The following PTPRT variants were observed in gnomAD, a reference collection of about 807,000 sequenced individuals.
The protein encoded by PTPRT is receptor-type tyrosine-protein phosphatase T.
A neutral mutation model predicts 176.8 loss-of-function variants in PTPRT; 56 were observed. That is an observed-to-expected ratio of 0.32 (90% CI 0.26 to 0.40). The LOEUF (loss-of-function observed/expected upper bound fraction) is 0.40, where lower values mean the gene tolerates loss of function less well. Ranked by LOEUF, PTPRT falls within the 10% of genes least tolerant of loss-of-function variation. The pLI is 1.00. For synonymous variants in PTPRT, 783 were observed against 739.0 expected (o/e 1.06, Z -0.96); for missense variants, 1,540 against 1,908.2 (o/e 0.81, Z 3.60).
intron 7 of PTPRT, among the ~76,000 whole-genome samples, chr20:42,633,593 C>T (rs963795325): frequency 2.0e-5 from 3 of 150,372 alleles, no homozygotes; most frequent in East Asian, 2.0e-4. Flanking sequence ...GCCAGGAGTT[C>T]GAGACAGTGC....
At chr20:42,385,211 T>C (rs1300363020) in intron 9 of PTPRT, among the ~76,000 whole-genome samples, 2 of 152,210 alleles carry the variant, frequency 1.3e-5, no homozygotes, top group East Asian at 3.9e-4. Context: ...CTTACAGCAG[T>C]AGATGTGAGA....
chr20:42,599,841 C>T (rs1569006282), intron 7 of PTPRT, among the ~76,000 whole-genome samples: 1 of 152,186 alleles, frequency 6.6e-6, no homozygotes, highest in Non-Finnish European at 1.5e-5. Context: ...CTTCCACAAA[C>T]ACCACCCCTT....
intron 6 of PTPRT, among the ~76,000 whole-genome samples, chr20:42,704,028 T>C (rs1281492992): frequency 6.6e-6 from 1 of 152,176 alleles, no homozygotes; most frequent in Admixed American, 6.5e-5. Flanking sequence ...AGGAACAAGA[T>C]GACTTCATAT....
At chr20:42,966,897 G>A (rs374982476) in intron 1 of PTPRT, among the ~76,000 whole-genome samples, 4 of 152,140 alleles carry the variant, frequency 2.6e-5, no homozygotes, top group South Asian at 2.1e-4. Flanking sequence ...TAGATTCTCC[G>A]CAAATAACAG....
At chr20:42,816,243 G>A (rs2077783267) in intron 2 of PTPRT, among the ~76,000 whole-genome samples, 1 of 152,126 alleles carries the variant, frequency 6.6e-6, no homozygotes, top group Admixed American at 6.5e-5. Context: ...TAAGTAGTGG[G>A]GTGTAAGTAA....
chr20:42,342,114 A>G (rs2058120610), intron 11 of PTPRT, among the ~76,000 whole-genome samples: 1 of 152,166 alleles, frequency 6.6e-6, no homozygotes, highest in Admixed American at 6.5e-5. Context: ...ATCTAATTGC[A>G]GCTCTGTGCT....
chr20:42,271,708 A>G (rs985705208), intron 13 of PTPRT, among the ~76,000 whole-genome samples: 1 of 152,190 alleles, frequency 6.6e-6, no homozygotes, highest in African/African-American at 2.4e-5. Context: ...TCTGGCTTTA[A>G]TGTTCCTGTC....
intron 7 of PTPRT, among the ~76,000 whole-genome samples, chr20:42,633,818 T>TATATATATATAAAA (rs1491342115): frequency 1.7e-5 from 1 of 57,706 alleles, no homozygotes; most frequent in African/African-American, 8.1e-5. Context: ...TATATATATA[T>TATATATATATAAAA]AATAAAATAT....
chr20:42,112,817 C>CTGTT (rs1987074301), intron 22 of PTPRT, among the ~76,000 whole-genome samples: 1 of 152,178 alleles, frequency 6.6e-6, no homozygotes, highest in South Asian at 2.1e-4. Context: ...GCAGACAGTC[C>CTGTT]TGTTAGGAGG....
At chr20:42,425,390 A>C (rs112015548) in intron 9 of PTPRT, among the ~76,000 whole-genome samples, 1 of 152,188 alleles carries the variant, frequency 6.6e-6, no homozygotes, top group Non-Finnish European at 1.5e-5. Flanking sequence ...TTAAGTTCCA[A>C]ATGTAAGTGA....
intron 1 of PTPRT, among the ~76,000 whole-genome samples, chr20:43,093,392 C>T (rs997552235): frequency 2.6e-5 from 4 of 152,228 alleles, no homozygotes; most frequent in African/African-American, 9.6e-5. Context: ...TGGACTGTTT[C>T]TACTCCCTTC....
chr20:42,507,107 G>A (rs230166), intron 7 of PTPRT, among the ~76,000 whole-genome samples: 123,179 of 152,036 alleles, frequency 0.81, 50,611 homozygotes, highest in African/African-American at 0.95. Flanking sequence ...ACCAATATTT[G>A]TTTCCCACTC....
intron 4 of PTPRT, 113 bp downstream of exon 4, chr20:42,780,105 G>A: frequency 1.1e-6 from 1 of 883,064 alleles, no homozygotes; most frequent in South Asian, 1.4e-5. Flanking sequence ...GATTCAAAGA[G>A]AAAGAGAGAG....
chr20:42,189,856 T>C (rs1204006237), intron 16 of PTPRT, among the ~76,000 whole-genome samples: 2 of 152,226 alleles, frequency 1.3e-5, no homozygotes, highest in African/African-American at 2.4e-5. Context: ...TTTGATTATG[T>C]ATAACTATTA....
chr20:42,088,266 C>A (rs150376282), intron 27 of PTPRT, among the ~76,000 whole-genome samples: 67 of 152,278 alleles, frequency 4.4e-4, no homozygotes, highest in African/African-American at 1.6e-3. Flanking sequence ...GGGATTGAGT[C>A]TCTCCTCAGC....
intron 7 of PTPRT, among the ~76,000 whole-genome samples, chr20:42,485,420 A>G (rs961420498): frequency 1.3e-5 from 2 of 152,212 alleles, no homozygotes; most frequent in African/African-American, 4.8e-5. Context: ...CTAACACTTT[A>G]CTTGTCCTGG....
chr20:42,112,143 C>A (rs1987031796), intron 22 of PTPRT, among the ~76,000 whole-genome samples: 1 of 152,194 alleles, frequency 6.6e-6, no homozygotes. Context: ...GGAAGTGCAT[C>A]ATTAGACTTG....
At chr20:42,431,771 G>T (rs945198633) in intron 9 of PTPRT, among the ~76,000 whole-genome samples, 7 of 152,162 alleles carry the variant, frequency 4.6e-5, no homozygotes, top group Middle Eastern at 6.8e-3. Context: ...CTCTGCACCT[G>T]GCCTTATCTT....
intron 7 of PTPRT, among the ~76,000 whole-genome samples, chr20:42,641,171 T>C (rs1462880482): frequency 6.6e-6 from 1 of 152,180 alleles, no homozygotes; most frequent in Admixed American, 6.5e-5. Context: ...TTCTTTAGGA[T>C]AATTTCTCCA....
Sources: gnomAD v4.1 joint callset for allele counts (sites outside exome capture counted in the v4.1 genomes callset) on GRCh38, gnomAD v4.1.1 for gene constraint, MANE v1.5 for transcripts, NCBI Gene and HGNC (gene_info 2026-07-23, HGNC 2026-07-21) for gene names.